NEURL1: variants seen among roughly 807,000 people sequenced by gnomAD.
NEURL1 encodes the protein neuralized E3 ubiquitin protein ligase 1.
NEURL1 carries 26 observed loss-of-function variants against 41.2 expected under a neutral mutation model. The ratio of observed to expected loss-of-function variants is 0.63; its 90% CI spans 0.46 to 0.87. The LOEUF (loss-of-function observed/expected upper bound fraction) is 0.87, where lower values mean the gene tolerates loss of function less well. Ranked by LOEUF, NEURL1 falls within the 40% of genes least tolerant of loss-of-function variation. The probability of loss-of-function intolerance (pLI) is 0.00; values close to 1 mark genes in which losing one functional copy is unlikely to be tolerated. For synonymous variants in NEURL1, 400 were observed against 402.3 expected, an observed-to-expected ratio of 0.99 and a Z score of 0.07; for missense variants, 761 against 871.1, an observed-to-expected ratio of 0.87 and a Z score of 1.59.
intron 1 of NEURL1, among the ~76,000 whole-genome samples, chr10:103,563,640 G>C (rs1443754407): frequency 6.6e-6 from 1 of 152,050 alleles, no homozygotes; most frequent in African/African-American, 2.4e-5. Flanking sequence ...AAAGGTGTGG[G>C]GATAGGAAAG....
chr10:103,555,291 G>A (rs1167591149), intron 1 of NEURL1: 1 of 1,202,684 alleles, frequency 8.3e-7, no homozygotes, highest in South Asian at 1.4e-5. Flanking sequence ...GGGAGGAGAC[G>A]GGGGAGGAGG....
At position 103,518,590 on chromosome 10, in the gene NEURL1, G is replaced by C. The variant is rs144420638; in HGVS notation, c.85+24118G>C. Among the ~76,000 whole-genome samples the C allele has an allele frequency of 7.9e-5, 12 of 152,304 alleles. No individual in the cohort carries two copies. In the East Asian group the frequency reaches 2.1e-3, roughly 27 times the overall value. On this transcript the variant is annotated intron_variant, in intron 1 of 5. Transcript: ENST00000369780. ...GAAACCATGAGTGAGGCAGATACAG[G>C]GATTATGAGTTGGGGGGTCTGGGGA... is the stretch of plus-strand genomic sequence containing the variant.
intron 1 of NEURL1, among the ~76,000 whole-genome samples, chr10:103,533,090 C>A (rs904759207): frequency 1.3e-5 from 2 of 151,632 alleles, no homozygotes; most frequent in Admixed American, 1.3e-4. Context: ...CCATGCCTGG[C>A]TATTTTTTTT....
intron 3 of NEURL1, among the ~76,000 whole-genome samples, chr10:103,582,725 C>CTGT: frequency 6.6e-6 from 1 of 152,348 alleles, no homozygotes; most frequent in Middle Eastern, 3.4e-3. Context: ...AGAACCCCAG[C>CTGT]CATCCTTAAC....
Position 103,590,115 on chromosome 10 carries a change from G to A in NEURL1, c.1487-19G>A. On this transcript the variant is annotated intron_variant, in intron 5 of 5. Transcript: ENST00000369780. ...GGTTGGGCCATGTCTCCTCCTGACT[G>A]GTGCCCCCTTGTCCTCAGGGACAGC... 3.1e-6 allele frequency: 5 copies of A among 1,611,034 alleles called. No homozygotes were observed. The highest frequency in any genetic ancestry group is 4.2e-6 in the Non-Finnish European group (5 of 1,178,806).
chr10:103,503,962 TA>T lies in NEURL1; in HGVS notation c.85+9491del, dbSNP rs869201296. 5.5e-4 allele frequency among the ~76,000 whole-genome samples: 35 copies of T among 63,428 alleles called. No homozygotes were observed. In the South Asian group the frequency reaches 7.9e-3, roughly 14 times the overall value. The allele number at this position is 63,428 out of a possible 152,430, so 41.6% of individuals were successfully genotyped here. ...GCACCATCATGCCTGGCTAGTATTT[TA>T]TTTATTTATTTATTTATTTATTTAT... On this transcript the variant is annotated intron_variant, in intron 1 of 5. Coordinates refer to ENST00000369780, the MANE Select transcript of NEURL1 (RefSeq NM_004210.5).
chr10:103,545,162 G>A lies in NEURL1; in HGVS notation c.86-25710G>A, dbSNP rs1248930734. 6.6e-6 allele frequency among the ~76,000 whole-genome samples: 1 copy of A among 152,256 alleles called. No homozygotes were observed. Among genetic ancestry groups the A allele is most frequent in the Admixed American group, 6.5e-5 (1 of 15,286 alleles). Reference sequence around the variant, plus strand: ...GGGCAGCTGCAGGGAACAGCTAGGAGCTAGAGCGGTGGGTTTCTGTCATTG... The same window carrying A: ...GGGCAGCTGCAGGGAACAGCTAGGAACTAGAGCGGTGGGTTTCTGTCATTG... On this transcript the variant is annotated intron_variant, in intron 1 of 5. Transcript: ENST00000369780. This position sits in a 1 kb window ranked among gnomAD's most constrained non-coding sequence, Gnocchi z 4.5.
At chr10:103,588,838 C>T (rs1300258306) in intron 4 of NEURL1, 1 of 444,774 alleles carries the variant, frequency 2.2e-6, no homozygotes, top group South Asian at 1.6e-5. Context: ...CCCAACTACT[C>T]AGGAGGCTGA....
At chr10:103,544,006 G>A (rs976529536) in intron 1 of NEURL1, among the ~76,000 whole-genome samples, 1 of 152,212 alleles carries the variant, frequency 6.6e-6, no homozygotes, top group Non-Finnish European at 1.5e-5. Flanking sequence ...CCAAAGTGGG[G>A]GTCGAGTTTA....
chr10:103,585,187 T>G lies in NEURL1; in HGVS notation c.1301T>G (p.Phe434Cys). Reference protein sequence around the residue: ...VDASQPLWMLFGLHGTITQIR... With the variant: ...VDASQPLWMLCGLHGTITQIR... ...GCCTCGCAGCCGCTTTGGATGCTCT[T>G]CGGCCTGCACGGGACCATCACGCAG... The change falls in exon 4 of 6, where the codon TTC (phenylalanine) becomes TGC (cysteine). Residue 434 changes from phenylalanine (F) to cysteine (C), a missense_variant. By Grantham distance (205) the Phe-to-Cys change is radical (BLOSUM62 -2). This residue lies in a region of NEURL1 where 443 missense variants were observed against 408.1 expected (regional missense o/e 1.09). Transcript: ENST00000369780. 1 of 1,581,246 alleles carries G rather than the reference T, an allele frequency of 6.3e-7. No homozygotes were observed. Among genetic ancestry groups the G allele is most frequent in the Non-Finnish European group, 8.6e-7 (1 of 1,168,550 alleles).
At chr10:103,585,554 G>T (rs1347700377) in intron 4 of NEURL1, among the ~76,000 whole-genome samples, 5 of 152,190 alleles carry the variant, frequency 3.3e-5, no homozygotes, top group African/African-American at 1.2e-4. Context: ...AGAGGAAAAG[G>T]CCAGGTGCGG....
At chr10:103,555,427 G>T (rs746412153) in intron 1 of NEURL1, 1 of 1,355,826 alleles carries the variant, frequency 7.4e-7, no homozygotes, top group Non-Finnish European at 9.8e-7. Flanking sequence ...AGGCCCCGCG[G>T]ATGCCTGCGG....
Position 103,558,219 on chromosome 10 carries a change from G to A in NEURL1, c.86-12653G>A, listed in dbSNP as rs933904861. On this transcript the variant is annotated intron_variant, in intron 1 of 5. Coordinates refer to ENST00000369780, the MANE Select transcript of NEURL1 (RefSeq NM_004210.5). This position sits in a 1 kb window ranked among gnomAD's most constrained non-coding sequence, Gnocchi z 4.2. ...GGGCCTTGGACTTTCGGCTTGATTCGGGCCAAACATTTTGGATTGCTGCGT... is the reference window on the plus strand; with the variant it reads ...GGGCCTTGGACTTTCGGCTTGATTCAGGCCAAACATTTTGGATTGCTGCGT... The A allele has an allele frequency of 1.9e-5, 19 of 985,184 alleles. No homozygotes were observed. Among genetic ancestry groups the A allele is most frequent in the Non-Finnish European group, 1.9e-5 (16 of 829,972 alleles). 61.0% of individuals were successfully genotyped at this position (985,184 alleles called of 1,614,324 possible).
intron 2 of NEURL1, among the ~76,000 whole-genome samples, 155 bp from the exon 3 acceptor site, chr10:103,571,346 G>C (rs549675543): frequency 1.3e-5 from 2 of 152,188 alleles, no homozygotes; most frequent in South Asian, 2.1e-4. Context: ...ACCCCTTGCT[G>C]TCTTCCCAGC....
At chr10:103,587,634 C>T (rs2036502011) in intron 4 of NEURL1, among the ~76,000 whole-genome samples, 1 of 152,202 alleles carries the variant, frequency 6.6e-6, no homozygotes, top group Non-Finnish European at 1.5e-5. Flanking sequence ...ATTTCCTTCA[C>T]TCATGTGTAT....
rs1360628446 is a variant in NEURL1, at chr10:103,591,489, G to T, written c.*1117G>T. ...CTGGGCCCCTAGAAATGCTGCCTTT[G>T]TGTGTGGGGTACCTGGGAAAGGGTG... On this transcript the variant is annotated 3_prime_UTR_variant, in exon 6 of 6. Transcript: ENST00000369780. 6.6e-6 allele frequency: 1 copy of T among 152,230 alleles called. No individual in the cohort carries two copies. The highest frequency in any genetic ancestry group is 2.4e-5 in the African/African-American group (1 of 41,424). 9.4% of individuals were successfully genotyped at this position (152,230 alleles called of 1,614,324 possible).
At chr10:103,571,879 A>G in intron 3 of NEURL1, 57 bp downstream of exon 3, 1 of 1,493,474 alleles carries the variant, frequency 6.7e-7, no homozygotes, top group Non-Finnish European at 9.0e-7. Flanking sequence ...GCCTCTGGGC[A>G]CTGCAGCCTG....
In NEURL1 at chr10:103,585,029, G is replaced by T; in HGVS notation, c.1143G>T (p.Lys381Asn). The change falls in exon 4 of 6, where the codon AAG (lysine) becomes AAT (asparagine). Residue 381 changes from lysine to asparagine, a missense_variant. Transcript: ENST00000369780. Reference sequence around the variant, plus strand: ...GCCCTGAGGCCCTGGTGGACCGCAAGGAATTCTGGGCCGTGTGCCGCGTGC... The same window carrying T: ...GCCCTGAGGCCCTGGTGGACCGCAATGAATTCTGGGCCGTGTGCCGCGTGC... ...PFSPEALVDR[K>N]EFWAVCRVPG... 1 of 1,585,814 alleles carries T rather than the reference G, an allele frequency of 6.3e-7. No individual in the cohort carries two copies. Among genetic ancestry groups the T allele is most frequent in the East Asian group, 2.3e-5 (1 of 44,102 alleles).
At chr10:103,511,332 C>T (rs1418565076) in intron 1 of NEURL1, among the ~76,000 whole-genome samples, 9 of 152,176 alleles carry the variant, frequency 5.9e-5, no homozygotes, top group Admixed American at 5.9e-4. Flanking sequence ...ACCTGAGAGG[C>T]TGAGAGGCCT....
Sources: allele counts gnomAD v4.1 joint callset (sites outside exome capture counted in the v4.1 genomes callset), GRCh38; gene constraint gnomAD v4.1.1; regional missense constraint gnomAD v4.1.1; non-coding constraint Gnocchi (gnomAD v3.1); transcripts MANE v1.5; gene names NCBI Gene and HGNC (gene_info 2026-07-23, HGNC 2026-07-21).